Variants in OLAH observed in about 807,000 individuals in gnomAD.
OLAH encodes oleoyl-ACP hydrolase.
Under a neutral mutation model 27.8 loss-of-function variants are expected in OLAH, and 33 were observed. That is an observed-to-expected ratio of 1.19 (90% CI 0.90 to 1.59). The LOEUF (loss-of-function observed/expected upper bound fraction) is 1.59, where lower values mean the gene tolerates loss of function less well. Ranked by LOEUF, OLAH falls within the 40% of genes most tolerant of loss-of-function variation. The pLI is 0.00. For synonymous variants in OLAH, 120 were observed against 102.9 expected (o/e 1.17, Z -1.01); for missense variants, 359 against 310.8 (o/e 1.16, Z -1.17).
At chr10:15,061,361 T>C (rs1484968149) in intron 3 of OLAH, among the ~76,000 whole-genome samples, 1 of 152,198 alleles carries the variant, frequency 6.6e-6, no homozygotes, top group East Asian at 1.9e-4. Context: ...CAGTGCCTTA[T>C]CTCCTGACCC....
chr10:15,061,791 G>T lies in OLAH; in HGVS notation c.231G>T (p.Gln77His). The change falls in exon 4 of 8, where the codon CAG becomes CAT. Residue 77 changes from glutamine to histidine, a missense_variant. By Grantham distance (24) the Gln-to-His change is conservative (BLOSUM62 0). Transcript: ENST00000378228. ...VEEPLENDIS[Q>H]LVDEVVCALQ... ...AACCTCTTGAAAATGACATCTCCCA[G>T]TTAGTTGATGAAGTTGTTTGTGCTC... 1 of 1,613,930 alleles carries T rather than the reference G, an allele frequency of 6.2e-7. No homozygotes were observed. Among genetic ancestry groups the T allele is most frequent in the Non-Finnish European group, 8.5e-7 (1 of 1,179,914 alleles).
chr10:15,054,748 T>C (rs952441871), intron 3 of OLAH, among the ~76,000 whole-genome samples: 1 of 152,056 alleles, frequency 6.6e-6, no homozygotes. Flanking sequence ...CACTGTGTTG[T>C]GGGCAACTTT....
intron 3 of OLAH, among the ~76,000 whole-genome samples, chr10:15,056,216 T>C (rs934502398): frequency 3.3e-5 from 5 of 152,212 alleles, no homozygotes; most frequent in African/African-American, 7.2e-5. Context: ...TATTCTGTTC[T>C]CAGGCATTAA....
At chr10:15,041,520 C>T (rs549665314), upstream of OLAH, among the ~76,000 whole-genome samples, 8 of 151,538 alleles carry the variant, frequency 5.3e-5, no homozygotes, top group East Asian at 5.9e-4. Flanking sequence ...TCAGGTGATC[C>T]GCCTGCCTCG....
chr10:15,036,336 A>G (rs946365448), intron 1 of OLAH, among the ~76,000 whole-genome samples: 4 of 152,118 alleles, frequency 2.6e-5, no homozygotes, highest in African/African-American at 9.7e-5. Context: ...CATCTCTACT[A>G]AAAATACAGA....
intron 3 of OLAH, among the ~76,000 whole-genome samples, chr10:15,056,382 T>A (rs1342978497): frequency 1.3e-5 from 2 of 152,196 alleles, no homozygotes; most frequent in East Asian, 3.8e-4. Flanking sequence ...TATTGTCAAA[T>A]TGTTCTCCAA....
At chr10:15,035,024 A>T (rs1400509592) in intron 1 of OLAH, among the ~76,000 whole-genome samples, 2 of 151,536 alleles carry the variant, frequency 1.3e-5, no homozygotes, top group Non-Finnish European at 1.5e-5. Flanking sequence ...CTGGTCACGA[A>T]CTCCTGACGT....
intron 2 of OLAH, among the ~76,000 whole-genome samples, chr10:15,048,409 G>A (rs1341986331): frequency 6.6e-6 from 1 of 152,134 alleles, no homozygotes; most frequent in African/African-American, 2.4e-5. Context: ...GTAGAGACAG[G>A]GCTTCGCCAT....
intron 3 of OLAH, chr10:15,057,036 TGTG>T: frequency 1.5e-6 from 2 of 1,346,352 alleles, no homozygotes; most frequent in East Asian, 3.0e-5. Flanking sequence ...TTCTTTTTAA[TGTG>T]GTGTCTTCTG....
intron 4 of OLAH, among the ~76,000 whole-genome samples, chr10:15,064,133 C>T (rs1342166646): frequency 3.9e-5 from 6 of 152,138 alleles, no homozygotes; most frequent in Non-Finnish European, 7.3e-5. Context: ...GTGATACACA[C>T]CTTTAAGGAA....
At chr10:15,039,505 A>T (rs892838189), upstream of OLAH, among the ~76,000 whole-genome samples, 9 of 152,192 alleles carry the variant, frequency 5.9e-5, no homozygotes, top group Admixed American at 5.2e-4. Flanking sequence ...TCAACCTGGG[A>T]GGCGGAGGTT....
chr10:15,065,803 G>T (rs758894131), intron 6 of OLAH, 50 bp downstream of exon 6: 11 of 1,516,310 alleles, frequency 7.3e-6, no homozygotes, highest in Non-Finnish European at 9.8e-6. Context: ...ATTATTTGTA[G>T]AAAAACATAG....
At chr10:15,056,111 A>G (rs1284526360) in intron 3 of OLAH, among the ~76,000 whole-genome samples, 1 of 152,182 alleles carries the variant, frequency 6.6e-6, no homozygotes, top group African/African-American at 2.4e-5. Flanking sequence ...CAGCTTCCCA[A>G]AGTGCTGGGA....
At chr10:15,055,340 T>G (rs942758855) in intron 3 of OLAH, among the ~76,000 whole-genome samples, 1 of 152,168 alleles carries the variant, frequency 6.6e-6, no homozygotes, top group African/African-American at 2.4e-5. Flanking sequence ...CTCGTTTGTG[T>G]GGGTGGGGGT....
At chr10:15,067,693 A>G (rs1294930773) in intron 6 of OLAH, among the ~76,000 whole-genome samples, 1 of 152,134 alleles carries the variant, frequency 6.6e-6, no homozygotes, top group Non-Finnish European at 1.5e-5. Context: ...AAACTCTTCC[A>G]AATCCTGCCC....
In OLAH at chr10:15,056,955, G is replaced by A; in HGVS notation, c.164-4769G>A. 1.3e-6 allele frequency: 2 copies of A among 1,490,718 alleles called. 1 individual carries two copies. Among genetic ancestry groups the A allele is most frequent in the East Asian group, 5.4e-5 (2 of 37,164 alleles). The allele number at this position is 1,490,718 out of a possible 1,614,324, so 92.3% of individuals were successfully genotyped here. ...GCCACCGTGCCTGGCCAAAATTCTTGGTCTATTCTGGATTCTAATTTTTTT... is the reference window on the plus strand; with the variant it reads ...GCCACCGTGCCTGGCCAAAATTCTTAGTCTATTCTGGATTCTAATTTTTTT... On this transcript the variant is annotated intron_variant, in intron 3 of 7. Coordinates refer to ENST00000378228, the MANE Select transcript of OLAH (RefSeq NM_001039702.3).
At chr10:15,041,740 T>C (rs115123414), upstream of OLAH, among the ~76,000 whole-genome samples, 1,481 of 150,200 alleles carry the variant, frequency 9.9e-3, 21 homozygotes, top group African/African-American at 0.035. Flanking sequence ...GACATCTGGC[T>C]GATTTCTGTA....
At chr10:15,048,873 G>A (rs185322518) in intron 2 of OLAH, among the ~76,000 whole-genome samples, 3 of 152,002 alleles carry the variant, frequency 2.0e-5, no homozygotes, top group African/African-American at 4.8e-5. Flanking sequence ...AGGCCGAGGC[G>A]GGCGGATCAC....
chr10:15,054,581 C>CTGGA (rs1462483853), intron 3 of OLAH, among the ~76,000 whole-genome samples: 2 of 150,754 alleles, frequency 1.3e-5, no homozygotes, highest in African/African-American at 4.9e-5. Flanking sequence ...TGTCCCTATG[C>CTGGA]TGGAACCTTT....
Sources: gnomAD v4.1 joint callset for allele counts (sites outside exome capture counted in the v4.1 genomes callset) on GRCh38, gnomAD v4.1.1 for gene constraint, MANE v1.5 for transcripts, NCBI Gene and HGNC (gene_info 2026-07-23, HGNC 2026-07-21) for gene names.